CTH: variants seen among roughly 807,000 people sequenced by gnomAD.
The protein encoded by CTH is cystathionine gamma-lyase, also known as cystathionase (cystathionine gamma-lyase).
A neutral mutation model predicts 50.6 loss-of-function variants in CTH; 41 were observed. That is an observed-to-expected ratio of 0.81 (90% CI 0.63 to 1.05). The LOEUF is 1.05. Among genes scored for constraint, CTH ranks in the 50% least tolerant of loss-of-function variants. The probability of loss-of-function intolerance (pLI) is 0.00; values close to 1 mark genes in which losing one functional copy is unlikely to be tolerated. For missense variants in CTH, 470 were observed against 492.6 expected, an observed-to-expected ratio of 0.95 and a Z score of 0.43; for synonymous variants, 156 against 168.9, an observed-to-expected ratio of 0.92 and a Z score of 0.59.
At position 70,439,539 on chromosome 1, in the gene CTH, A is replaced by T; in HGVS notation, c.*412A>T. On this transcript the variant is annotated 3_prime_UTR_variant, in exon 12 of 12. Transcript: ENST00000370938. ...AGTGTGATTTTTTTGCATATCATTG[A>T]AAAGAACATTAAAAGCAATGGTTTA... is the stretch of plus-strand genomic sequence containing the variant. The T allele has an allele frequency of 1.0e-5, 2 of 197,986 alleles. No homozygotes were observed. The highest frequency in any genetic ancestry group is 1.9e-4 in the South Asian group (2 of 10,436). The allele number at this position is 197,986 out of a possible 1,614,324, so 12.3% of individuals were successfully genotyped here.
rs1485025528 is a variant in CTH, at chr1:70,439,443, TTATAA to T, written c.*323_*327del. The T allele has an allele frequency of 9.4e-6, 3 of 318,698 alleles. No homozygotes were observed. The highest frequency in any genetic ancestry group is 1.7e-5 in the Non-Finnish European group (3 of 171,610). The allele number at this position is 318,698 out of a possible 1,614,324, so 19.7% of individuals were successfully genotyped here. A position where few individuals can be genotyped will look rare whatever the true frequency, so the allele number is the denominator to read the frequency against. ...TGTCTAAGATTTATTTTGATCATGT[TTATAA>T]TATAATGGTAATTCATTTTTGATGT... On this transcript the variant is annotated 3_prime_UTR_variant, in exon 12 of 12. Transcript: ENST00000370938.
In CTH at chr1:70,438,706, A is replaced by G. The variant is rs1004352906; in HGVS notation, c.1071A>G (p.Ala357=). ...LAELPAIMTH[A]SVLKNDRDVL... is the part of the protein sequence containing the mutation. The stretch of plus-strand genomic sequence containing the variant: ...CTTTCAGGGCAATCATGACTCATGC[A>G]TCAGTTCTTAAGAATGACAGAGATG... The change falls in exon 11 of 12, where the codon GCA becomes GCG. Residue 357 remains alanine, a synonymous_variant. Coordinates refer to ENST00000370938, the MANE Select transcript of CTH (RefSeq NM_001902.6). 1.2e-6 allele frequency: 2 copies of G among 1,613,992 alleles called. No homozygotes were observed. The highest frequency in any genetic ancestry group is 2.7e-5 in the African/African-American group (2 of 74,904).
intron 3 of CTH, 124 bp from the exon 4 acceptor site, chr1:70,421,442 T>G: frequency 1.0e-6 from 1 of 990,640 alleles, no homozygotes; most frequent in East Asian, 2.5e-5. Flanking sequence ...CTAGAATTGC[T>G]TTTAGTTGCA....
intron 9 of CTH, 65 bp downstream of exon 9, chr1:70,434,014 A>T: frequency 6.2e-7 from 1 of 1,604,198 alleles, no homozygotes; most frequent in Non-Finnish European, 8.5e-7. Flanking sequence ...ACTATCTCTC[A>T]CTTCTACTCA....
chr1:70,415,910 A>G, intron 1 of CTH, 46 bp from the exon 2 acceptor site: 1 of 1,030,668 alleles, frequency 9.7e-7, no homozygotes, highest in Non-Finnish European at 1.5e-6. Context: ...GGACTCTGAT[A>G]ATAAACTGAA....
Position 70,439,238 on chromosome 1 carries a change from C to A in CTH, c.*111C>A. The A allele has an allele frequency of 1.0e-6, 1 of 962,142 alleles. No homozygotes were observed. Among genetic ancestry groups the A allele is most frequent in the Non-Finnish European group, 1.7e-6 (1 of 590,454 alleles). The allele number at this position is 962,142 out of a possible 1,614,324, so 59.6% of individuals were successfully genotyped here. ...AAATTTTCAAGCGGAAATTTTAAGG[C>A]ACCTCATTATCTTTCATAACTGTAA... On this transcript the variant is annotated 3_prime_UTR_variant, in exon 12 of 12. Transcript: ENST00000370938.
chr1:70,421,315 CATT>C (rs1684214821), intron 3 of CTH, among the ~76,000 whole-genome samples: 1 of 152,170 alleles, frequency 6.6e-6, no homozygotes, highest in East Asian at 1.9e-4. Context: ...TTTTGAAAAA[CATT>C]ATTTGCTTCA....
In CTH at chr1:70,430,354, T is replaced by C. The variant is rs1457304912; in HGVS notation, c.684T>C (p.Asn228=). 2.5e-6 allele frequency: 4 copies of C among 1,604,552 alleles called. No individual in the cohort carries two copies. The South Asian group carries it at 4.4e-5, about 18-fold the overall frequency. ...SDVVMGLVSV[N]CESLHNRLRF... is the part of the protein sequence containing the mutation. ...TTGTAATGGGCCTGGTGTCTGTTAA[T>C]TGTGAAAGCCTTCATAATAGACTTC... Residue 228 remains asparagine, a synonymous_variant, in exon 7 of 12, where the codon AAT becomes AAC. Transcript: ENST00000370938.
rs752508712 is a variant in CTH, at chr1:70,432,168, C to T, written c.810C>T (p.Phe270=). ...TACATGTCCGAATGGAAAAGCATTT[C>T]AAAAACGGAATGGCAGTTGCCCAGT... ...KTLHVRMEKH[F]KNGMAVAQFL... is the part of the protein sequence containing the mutation. The change falls in exon 8 of 12, where the codon TTC becomes TTT. Residue 270 remains phenylalanine, a synonymous_variant. Transcript: ENST00000370938. The T allele has an allele frequency of 1.9e-6, 3 of 1,614,152 alleles. No individual in the cohort carries two copies. The highest frequency in any genetic ancestry group is 2.5e-6 in the Non-Finnish European group (3 of 1,180,016).
rs1485085181 is a variant in CTH at position 70,416,044 on chromosome 1, A to G, written c.250+7A>G. 6.8e-7 allele frequency: 1 copy of G among 1,463,112 alleles called. No individual in the cohort carries two copies. The allele number at this position is 1,463,112 out of a possible 1,614,324, so 90.6% of individuals were successfully genotyped here. Reference sequence around the variant, plus strand: ...CTGGATGGGGCTAAGTACTGTAAGTAATTTCCATTTCACAGTCTAGAATCT... The same window carrying G: ...CTGGATGGGGCTAAGTACTGTAAGTGATTTCCATTTCACAGTCTAGAATCT... On this transcript the variant is annotated splice_region_variant and intron_variant, in intron 2 of 11. Transcript: ENST00000370938.
intron 7 of CTH, 115 bp downstream of exon 7, chr1:70,430,509 A>T: frequency 1.6e-6 from 1 of 634,294 alleles, no homozygotes; most frequent in African/African-American, 1.9e-5. Context: ...GAAGAAATGA[A>T]AAATAGAGGA....
At chr1:70,422,356 C>G (rs1242222452) in intron 4 of CTH, among the ~76,000 whole-genome samples, 1 of 152,124 alleles carries the variant, frequency 6.6e-6, no homozygotes, top group Non-Finnish European at 1.5e-5. Context: ...TATTTAAATT[C>G]TGTGTGGATA....
intron 11 of CTH, 37 bp downstream of exon 11, chr1:70,438,863 T>TGTGTGTG (rs1572276096): frequency 6.2e-7 from 1 of 1,612,508 alleles, no homozygotes; most frequent in African/African-American, 1.3e-5. Context: ...TGTGTGTGTG[T>TGTGTGTG]GTGTGTCTGC....
At chr1:70,428,600 A>T in intron 5 of CTH, among the ~76,000 whole-genome samples, 1 of 104 alleles carries the variant, frequency 9.6e-3, no homozygotes, top group East Asian at 0.083. Context: ...TTTCAGACAT[A>T]TTTATTTATT....
chr1:70,429,587 C>T (rs1017205361), intron 5 of CTH, among the ~76,000 whole-genome samples: 8 of 152,154 alleles, frequency 5.3e-5, no homozygotes, highest in African/African-American at 1.9e-4. Context: ...AGATTCAATA[C>T]TGGATTCAAT....
intron 2 of CTH, among the ~76,000 whole-genome samples, chr1:70,416,559 ATTT>A (rs34806645): frequency 1.7e-5 from 2 of 115,650 alleles, no homozygotes; most frequent in Non-Finnish European, 1.8e-5. Context: ...CACCCTGCTA[ATTT>A]TTTTTTTTTT....
chr1:70,433,765 C>T, intron 8 of CTH, 63 bp from the exon 9 acceptor site: 5 of 1,607,456 alleles, frequency 3.1e-6, no homozygotes, highest in Middle Eastern at 1.7e-4. Flanking sequence ...AAATACCACC[C>T]TCCCCCCCCA....
intron 10 of CTH, among the ~76,000 whole-genome samples, chr1:70,435,793 A>C (rs1015230608): frequency 4.6e-5 from 7 of 152,150 alleles, no homozygotes; most frequent in Non-Finnish European, 1.0e-4. Context: ...GCAGTCTAAG[A>C]TCATACAGTC....
In CTH at chr1:70,439,660, A is replaced by G. The variant is rs1684679274; in HGVS notation, c.*533A>G. The G allele has an allele frequency of 6.4e-6, 1 of 157,348 alleles. No individual in the cohort carries two copies. 9.7% of individuals were successfully genotyped at this position (157,348 alleles called of 1,614,324 possible). A position where few individuals can be genotyped will look rare whatever the true frequency, so the allele number is the denominator to read the frequency against. Reference sequence around the variant, plus strand: ...ATACTTAATATTTTTAAAAAAATAAATCAGCTGGGCGCGGTGGCTCACGCA... The same window carrying G: ...ATACTTAATATTTTTAAAAAAATAAGTCAGCTGGGCGCGGTGGCTCACGCA... On this transcript the variant is annotated 3_prime_UTR_variant, in exon 12 of 12. Transcript: ENST00000370938.
Sources: gnomAD v4.1 joint callset for allele counts (sites outside exome capture counted in the v4.1 genomes callset) on GRCh38, gnomAD v4.1.1 for gene constraint, MANE v1.5 for transcripts, NCBI Gene and HGNC (gene_info 2026-07-23, HGNC 2026-07-21) for gene names.